Variants in TMEM117 observed in about 807,000 individuals in gnomAD.
The protein encoded by TMEM117 is transmembrane protein 117.
TMEM117 carries 27 observed loss-of-function variants against 52.4 expected under a neutral mutation model. The observed-to-expected ratio is 0.51, with a 90% CI of 0.38 to 0.71. The LOEUF is 0.71. TMEM117 is among the 30% of genes least tolerant of loss of function. The pLI, the probability that TMEM117 is intolerant of heterozygous loss-of-function variation, is 0.00. For synonymous variants in TMEM117, 215 were observed against 206.3 expected, an observed-to-expected ratio of 1.04 and a Z score of -0.36; for missense variants, 556 against 630.5, an observed-to-expected ratio of 0.88 and a Z score of 1.26.
chr12:44,195,908 A>AT (rs1555130692), intron 4 of TMEM117, among the ~76,000 whole-genome samples: 1 of 149,254 alleles, frequency 6.7e-6, no homozygotes, highest in Admixed American at 6.7e-5. Context: ...AAATAAATAA[A>AT]TAAATAAATA....
rs1286982132 is a variant in TMEM117 at position 44,211,390 on chromosome 12, A to C, written c.608+3A>C. ...AATGTTAGGATCACTTTATTCTGGTAGGAAATTGTTTCACTTATTTATTTC... is the reference window on the plus strand; with the variant it reads ...AATGTTAGGATCACTTTATTCTGGTCGGAAATTGTTTCACTTATTTATTTC... On this transcript the variant is annotated splice_donor_region_variant and intron_variant, in intron 5 of 7. Coordinates refer to ENST00000266534, the MANE Select transcript of TMEM117 (RefSeq NM_032256.3). 1.3e-6 allele frequency: 2 copies of C among 1,594,202 alleles called. No individual in the cohort carries two copies. Among genetic ancestry groups the C allele is most frequent in the South Asian group, 2.3e-5 (2 of 88,706 alleles).
chr12:43,844,323 C>A (rs1246740470), intron 1 of TMEM117, among the ~76,000 whole-genome samples: 1 of 152,244 alleles, frequency 6.6e-6, no homozygotes, highest in Non-Finnish European at 1.5e-5. Flanking sequence ...CTCTACATGT[C>A]ATCTTGGTCA....
chr12:44,270,461 A>AT (rs1289839855), intron 5 of TMEM117, among the ~76,000 whole-genome samples: 4 of 152,142 alleles, frequency 2.6e-5, no homozygotes, highest in African/African-American at 9.7e-5. Context: ...GTGTGCATTA[A>AT]TTTTGTATCC....
intron 2 of TMEM117, among the ~76,000 whole-genome samples, chr12:43,894,629 C>T (rs561926031): frequency 6.6e-6 from 1 of 152,152 alleles, no homozygotes; most frequent in Non-Finnish European, 1.5e-5. Context: ...ATTTAGCTCC[C>T]ACCTAGAATT....
chr12:44,067,841 G>T (rs1460364427), intron 3 of TMEM117, among the ~76,000 whole-genome samples: 2 of 152,142 alleles, frequency 1.3e-5, no homozygotes, highest in African/African-American at 4.8e-5. Context: ...TTGAAGCCAG[G>T]CATTTATTTC....
rs1236073080 is a variant in TMEM117 at position 43,917,890 on chromosome 12, C to T, written c.278-26320C>T. ...GGGTTATACTTTTTTAGACATTGGC[C>T]AGTTGAGGTTGATTTAGGTTTCTAT... On this transcript the variant is annotated intron_variant, in intron 2 of 7. Coordinates refer to ENST00000266534, the MANE Select transcript of TMEM117 (RefSeq NM_032256.3). 4.6e-5 allele frequency among the ~76,000 whole-genome samples: 7 copies of T among 152,140 alleles called. No homozygotes were observed. The South Asian group carries it at 1.5e-3, about 32-fold the overall frequency.
chr12:44,048,611 G>A (rs1442716857), intron 3 of TMEM117, among the ~76,000 whole-genome samples: 1 of 152,158 alleles, frequency 6.6e-6, no homozygotes, highest in Non-Finnish European at 1.5e-5. Flanking sequence ...ACAAAATAAA[G>A]GGCAGAACTG....
At chr12:43,926,265 A>C (rs1216774043) in intron 2 of TMEM117, among the ~76,000 whole-genome samples, 1 of 152,198 alleles carries the variant, frequency 6.6e-6, no homozygotes, top group Non-Finnish European at 1.5e-5. Flanking sequence ...TATCCTTTCC[A>C]TTAATGGATA....
At chr12:44,115,540 ATT>A (rs113273559) in intron 3 of TMEM117, among the ~76,000 whole-genome samples, 1 of 146,944 alleles carries the variant, frequency 6.8e-6, no homozygotes, top group African/African-American at 2.5e-5. Flanking sequence ...ATAGTATGGG[ATT>A]TTTTTTTTTT....
chr12:44,107,023 T>C (rs1320820292), intron 3 of TMEM117, among the ~76,000 whole-genome samples: 1 of 152,094 alleles, frequency 6.6e-6, no homozygotes, highest in Non-Finnish European at 1.5e-5. Context: ...TATTTGGCTG[T>C]CCGTCAATAA....
At chr12:44,174,124 C>T (rs1026388853) in intron 4 of TMEM117, among the ~76,000 whole-genome samples, 22 of 152,040 alleles carry the variant, frequency 1.4e-4, no homozygotes, top group Non-Finnish European at 2.5e-4. Context: ...GATTTCTTTT[C>T]TTGACACTAT....
chr12:43,853,832 C>T (rs1943353365), intron 2 of TMEM117, among the ~76,000 whole-genome samples: 1 of 151,980 alleles, frequency 6.6e-6, no homozygotes, highest in African/African-American at 2.4e-5. Context: ...GCTTTGTTGC[C>T]CATGTGGGAC....
At position 44,224,448 on chromosome 12, in the gene TMEM117, G is replaced by A. The variant is rs73272281; in HGVS notation, c.608+13061G>A. Among the ~76,000 whole-genome samples, 772 of 151,592 alleles carry A rather than the reference G, an allele frequency of 5.1e-3. 6 individuals carry two copies. The highest frequency in any genetic ancestry group is 0.018 in the African/African-American group (730 of 41,068). The stretch of plus-strand genomic sequence containing the variant: ...TCATCTGTGCCAACTCTAGCACAAA[G>A]GGGAACCAGGGATGAGTAATGATTT... On this transcript the variant is annotated intron_variant, in intron 5 of 7. Transcript: ENST00000266534.
At chr12:44,195,651 CT>C (rs5797890) in intron 4 of TMEM117, among the ~76,000 whole-genome samples, 18,710 of 151,968 alleles carry the variant, frequency 0.12, 1,396 homozygotes, top group Middle Eastern at 0.21. Context: ...GCAAAATAGA[CT>C]TTTGACAGGA....
intron 2 of TMEM117, among the ~76,000 whole-genome samples, chr12:43,880,614 G>A (rs986032764): frequency 3.3e-5 from 5 of 152,104 alleles, no homozygotes; most frequent in Non-Finnish European, 7.4e-5. Context: ...CTGGGTGCAG[G>A]GGTCCCTAAA....
intron 5 of TMEM117, among the ~76,000 whole-genome samples, chr12:44,275,014 T>A (rs12299030): frequency 0.27 from 41,390 of 151,718 alleles, 10,296 homozygotes; most frequent in African/African-American, 0.67. Flanking sequence ...AAAGTAAAAA[T>A]CCCACAGAAT....
At chr12:44,222,746 T>C (rs574021098) in intron 5 of TMEM117, among the ~76,000 whole-genome samples, 1 of 152,276 alleles carries the variant, frequency 6.6e-6, no homozygotes, top group South Asian at 2.1e-4. Context: ...GGCCTCTTGA[T>C]ATAGTAGCTC....
At chr12:44,047,504 A>G (rs1433406792) in intron 3 of TMEM117, among the ~76,000 whole-genome samples, 2 of 152,138 alleles carry the variant, frequency 1.3e-5, no homozygotes, top group African/African-American at 2.4e-5. Context: ...ACCTTCATCC[A>G]TATTCAAGAC....
intron 4 of TMEM117, among the ~76,000 whole-genome samples, chr12:44,183,698 T>C (rs1949236779): frequency 6.6e-6 from 1 of 152,060 alleles, no homozygotes; most frequent in South Asian, 2.1e-4. Flanking sequence ...TCTCAAAGGA[T>C]TAATATGCAA....
Sources: allele counts gnomAD v4.1 joint callset (sites outside exome capture counted in the v4.1 genomes callset), GRCh38; gene constraint gnomAD v4.1.1; transcripts MANE v1.5; gene names NCBI Gene and HGNC (gene_info 2026-07-23, HGNC 2026-07-21).